The following TATDN3 variants were observed in gnomAD, a reference collection of about 807,000 sequenced individuals.
TATDN3 encodes deoxyribonuclease TATDN3.
TATDN3 carries 29 observed loss-of-function variants against 40.1 expected under a neutral mutation model. The ratio of observed to expected loss-of-function variants is 0.72; its 90% CI spans 0.54 to 0.99. TATDN3 has a LOEUF of 0.99. Among genes scored for constraint, TATDN3 ranks in the 50% least tolerant of loss-of-function variants. TATDN3 has a pLI of 0.00. For synonymous variants in TATDN3, 105 were observed against 117.0 expected (o/e 0.90, Z 0.66); for missense variants, 309 against 321.9 (o/e 0.96, Z 0.31).
intron 7 of TATDN3, among the ~76,000 whole-genome samples, chr1:212,805,830 G>C (rs973556590): frequency 4.6e-5 from 7 of 152,156 alleles, no homozygotes; most frequent in African/African-American, 1.7e-4. Context: ...AAGAAATATA[G>C]TTTATTTTGA....
Position 212,804,657 on chromosome 1 carries a change from T to G in TATDN3, c.487+6T>G, listed in dbSNP as rs1662352705. The G allele has an allele frequency of 1.9e-6, 3 of 1,611,884 alleles. 1 individual carries two copies. The highest frequency in any genetic ancestry group is 2.5e-6 in the Non-Finnish European group (3 of 1,179,024). ...CAACCTTTTACAAGAGCAAGGTATTTCGTTTCCTGAGAAAAATAGGCCTAA... is the reference window on the plus strand; with the variant it reads ...CAACCTTTTACAAGAGCAAGGTATTGCGTTTCCTGAGAAAAATAGGCCTAA... On this transcript the variant is annotated splice_donor_region_variant and intron_variant, in intron 7 of 9. Coordinates refer to ENST00000366974, the MANE Select transcript of TATDN3 (RefSeq NM_001042552.3).
chr1:212,792,489 G>A (rs12143209), intron 1 of TATDN3, among the ~76,000 whole-genome samples: 57,798 of 135,690 alleles, frequency 0.43, 13,320 homozygotes, highest in Non-Finnish European at 0.52. Context: ...AAAAAAAAAA[G>A]CCGGTGATTG....
chr1:212,794,631 TAAAACCATGAGAGGAAGTG>T, intron 1 of TATDN3: 1 of 385,280 alleles, frequency 2.6e-6, no homozygotes, highest in Non-Finnish European at 5.1e-6. Flanking sequence ...ATAATGATGA[TAAAACCATGAGAGGAAGTG>T]AAATCACTCA....
rs1663184951 is a variant in TATDN3, at chr1:212,816,374, T to G, written c.*1218T>G. The G allele has an allele frequency of 1.3e-5, 2 of 152,190 alleles. No individual in the cohort carries two copies. The highest frequency in any genetic ancestry group is 1.3e-4 in the Admixed American group (2 of 15,268). The allele number at this position is 152,190 out of a possible 1,614,324, so 9.4% of individuals were successfully genotyped here. On this transcript the variant is annotated 3_prime_UTR_variant, in exon 10 of 10. Coordinates refer to ENST00000366974, the MANE Select transcript of TATDN3 (RefSeq NM_001042552.3). ...AAAATCTCAAGTGTAAAAACAGTTC[T>G]GTAGATAGATGGTAGTGATGGTAGC...
intron 1 of TATDN3, among the ~76,000 whole-genome samples, chr1:212,793,960 G>A (rs1259984667): frequency 6.6e-6 from 1 of 152,108 alleles, no homozygotes; most frequent in Non-Finnish European, 1.5e-5. Flanking sequence ...ATGAGTCATG[G>A]GCTCAGGAGA....
intron 6 of TATDN3, 26 bp from the exon 7 acceptor site, chr1:212,804,568 TAA>T: frequency 3.1e-6 from 5 of 1,607,862 alleles, no homozygotes; most frequent in Non-Finnish European, 4.2e-6. Context: ...GAATGGTACT[TAA>T]AAGAAATGTT....
chr1:212,801,208 A>C (rs944316736), intron 4 of TATDN3, among the ~76,000 whole-genome samples: 1 of 151,932 alleles, frequency 6.6e-6, no homozygotes, highest in African/African-American at 2.4e-5. Context: ...AAAAACAAAA[A>C]CACAAAAGTA....
At chr1:212,814,955 C>T in intron 9 of TATDN3, 58 bp from the exon 10 acceptor site, 1 of 1,553,452 alleles carries the variant, frequency 6.4e-7, no homozygotes, top group South Asian at 1.2e-5. Flanking sequence ...CTATAGTCTC[C>T]AAGGATCTGC....
At chr1:212,813,796 C>T (rs1272651381) in intron 9 of TATDN3, among the ~76,000 whole-genome samples, 4 of 151,892 alleles carry the variant, frequency 2.6e-5, no homozygotes, top group Admixed American at 2.0e-4. Context: ...CTGCAACTTC[C>T]GCCTTCTGGA....
chr1:212,803,957 A>G (rs971502121), intron 5 of TATDN3, among the ~76,000 whole-genome samples: 2 of 152,040 alleles, frequency 1.3e-5, no homozygotes, highest in East Asian at 1.9e-4. Context: ...AATCGCCTGA[A>G]CCCAGGAGGC....
In TATDN3 at chr1:212,794,929, G is replaced by T. The variant is rs886486052; in HGVS notation, c.67-166G>T. The stretch of plus-strand genomic sequence containing the variant: ...GAACAGTAGCCAGACTTTACTGATA[G>T]TAAGAGTAAACAGGAAGTGGGTCAG... On this transcript the variant is annotated intron_variant, in intron 1 of 9. Transcript: ENST00000366974. The T allele has an allele frequency of 4.6e-5, 30 of 652,268 alleles. No homozygotes were observed. The East Asian group carries it at 8.3e-4, about 18-fold the overall frequency. 40.4% of individuals were successfully genotyped at this position (652,268 alleles called of 1,614,324 possible).
chr1:212,800,598 T>C (rs1662110028), intron 4 of TATDN3, among the ~76,000 whole-genome samples: 1 of 152,162 alleles, frequency 6.6e-6, no homozygotes, highest in African/African-American at 2.4e-5. Flanking sequence ...AATAAAAAAA[T>C]CTATTGTAAT....
chr1:212,806,022 GTCAT>G (rs1662443846), intron 7 of TATDN3, among the ~76,000 whole-genome samples: 1 of 152,162 alleles, frequency 6.6e-6, no homozygotes, highest in African/African-American at 2.4e-5. Context: ...CCGTCTAATA[GTCAT>G]TCATACCATT....
intron 1 of TATDN3, among the ~76,000 whole-genome samples, chr1:212,792,555 A>G (rs1003159066): frequency 7.0e-6 from 1 of 143,828 alleles, no homozygotes; most frequent in Non-Finnish European, 1.5e-5. Flanking sequence ...GAATCGCTGG[A>G]GCCCAGGAGG....
chr1:212,804,689 A>C, intron 7 of TATDN3, 38 bp downstream of exon 7: 4 of 1,560,256 alleles, frequency 2.6e-6, no homozygotes, highest in Non-Finnish European at 2.6e-6. Flanking sequence ...CTAATGTTCA[A>C]GTTTGACAAT....
intron 1 of TATDN3, among the ~76,000 whole-genome samples, chr1:212,793,348 G>A (rs1383945075): frequency 2.0e-5 from 3 of 152,206 alleles, no homozygotes; most frequent in South Asian, 2.1e-4. Context: ...AAGTAGCTGG[G>A]ATCACAGGTG....
At chr1:212,809,094 TTA>T (rs1453560105) in intron 8 of TATDN3, among the ~76,000 whole-genome samples, 4 of 152,142 alleles carry the variant, frequency 2.6e-5, no homozygotes, top group African/African-American at 9.7e-5. Flanking sequence ...CTTGAAAACA[TTA>T]TACTAAGAGA....
At chr1:212,806,152 T>C (rs1662450620) in intron 7 of TATDN3, among the ~76,000 whole-genome samples, 1 of 152,176 alleles carries the variant, frequency 6.6e-6, no homozygotes, top group South Asian at 2.1e-4. Flanking sequence ...GCAGCTACCC[T>C]TTAATAACTG....
At chr1:212,802,624 C>G in intron 4 of TATDN3, 77 bp from the exon 5 acceptor site, 1 of 952,482 alleles carries the variant, frequency 1.0e-6, no homozygotes, top group Non-Finnish European at 1.7e-6. Context: ...GATGGCATAG[C>G]ACCTAGCACA....
Sources: allele counts gnomAD v4.1 joint callset (sites outside exome capture counted in the v4.1 genomes callset), GRCh38; gene constraint gnomAD v4.1.1; transcripts MANE v1.5; gene names NCBI Gene and HGNC (gene_info 2026-07-23, HGNC 2026-07-21).